The following PDZD2 variants were observed in gnomAD, a reference collection of about 807,000 sequenced individuals.
PDZD2 encodes the protein PDZ domain-containing protein 2.
PDZD2 carries 90 observed loss-of-function variants against 220.7 expected under a neutral mutation model. The observed-to-expected ratio is 0.41, with a 90% CI of 0.34 to 0.49. The LOEUF is 0.49. PDZD2 is among the 20% of genes least tolerant of loss of function. The probability of loss-of-function intolerance (pLI) is 0.28; values close to 1 mark genes in which losing one functional copy is unlikely to be tolerated. For missense variants in PDZD2, 3,174 were observed against 3,608.5 expected, an observed-to-expected ratio of 0.88 and a Z score of 3.08; for synonymous variants, 1,375 against 1,450.5, an observed-to-expected ratio of 0.95 and a Z score of 1.18.
In PDZD2 at chr5:32,090,956, C is replaced by T. The variant is rs376756467; in HGVS notation, c.7508C>T (p.Ala2503Val). 5 of 1,613,974 alleles carry T rather than the reference C, an allele frequency of 3.1e-6. No individual in the cohort carries two copies. The highest frequency in any genetic ancestry group is 4.2e-6 in the Non-Finnish European group (5 of 1,180,012). The change falls in exon 20 of 25, where the codon GCA becomes GTA. Residue 2503 changes from alanine to valine, a missense_variant. By Grantham distance (64) the Ala-to-Val change is moderately conservative. This residue lies in a region of PDZD2 where 631 missense variants were observed against 789.9 expected (regional missense o/e 0.80). Transcript: ENST00000438447. The surrounding 1 kb of genome is among the most constrained non-coding windows in gnomAD (Gnocchi z 4.3). ...LDKLCSEDYS[A>V]GPSAVLFKTE... ...AAGCTCTGCAGCGAGGATTACTCAGCAGGGCCGAGCGCCGTGCTCTTCAAA... is the reference window on the plus strand; with the variant it reads ...AAGCTCTGCAGCGAGGATTACTCAGTAGGGCCGAGCGCCGTGCTCTTCAAA...
intron 14 of PDZD2, among the ~76,000 whole-genome samples, chr5:32,061,893 GT>G (rs1739724649): frequency 6.6e-6 from 1 of 152,178 alleles, no homozygotes. Context: ...TTGTTTCTGT[GT>G]TTCCATAGAA....
chr5:31,707,103 T>C (rs983758634), intron 1 of PDZD2, among the ~76,000 whole-genome samples: 1 of 124,304 alleles, frequency 8.0e-6, no homozygotes, highest in Non-Finnish European at 1.6e-5. Flanking sequence ...AATTGAACAA[T>C]GAGAACACTT....
At chr5:31,903,903 T>C (rs1273997657) in intron 2 of PDZD2, among the ~76,000 whole-genome samples, 1 of 152,040 alleles carries the variant, frequency 6.6e-6, no homozygotes, top group East Asian at 1.9e-4. Flanking sequence ...TTTGTATTTT[T>C]AGTAGAGACG....
At chr5:31,676,818 T>C (rs1746446887) in intron 1 of PDZD2, among the ~76,000 whole-genome samples, 1 of 151,956 alleles carries the variant, frequency 6.6e-6, no homozygotes, top group Admixed American at 6.6e-5. Flanking sequence ...CCTCCCAAAG[T>C]GCTGGGATTA....
chr5:31,894,162 C>T (rs1741324676), intron 2 of PDZD2, among the ~76,000 whole-genome samples: 1 of 147,518 alleles, frequency 6.8e-6, no homozygotes, highest in African/African-American at 2.5e-5. Flanking sequence ...ATCCACTCAT[C>T]TCAGCCTCCC....
At chr5:31,852,388 C>T (rs1347777080) in intron 2 of PDZD2, among the ~76,000 whole-genome samples, 1 of 151,750 alleles carries the variant, frequency 6.6e-6, no homozygotes, top group Admixed American at 6.6e-5. Context: ...TCAAGCTATT[C>T]TCTTTCCTCA....
intron 2 of PDZD2, among the ~76,000 whole-genome samples, chr5:31,972,195 C>T (rs1749361160): frequency 6.6e-6 from 1 of 152,170 alleles, no homozygotes; most frequent in African/African-American, 2.4e-5. Context: ...TTCACTACAG[C>T]CTCTGCCTCC....
chr5:31,923,916 C>T (rs987445122), intron 2 of PDZD2, among the ~76,000 whole-genome samples: 10 of 152,156 alleles, frequency 6.6e-5, no homozygotes, highest in Middle Eastern at 3.4e-3. Flanking sequence ...ACACTAGAGT[C>T]GTGTCTCCTG....
At chr5:31,900,231 C>T (rs77605631) in intron 2 of PDZD2, among the ~76,000 whole-genome samples, 444 of 152,278 alleles carry the variant, frequency 2.9e-3, no homozygotes, top group Non-Finnish European at 4.9e-3. Context: ...GTGTAGGTAG[C>T]GCTGTGTACC....
At chr5:31,719,404 C>T (rs980343057) in intron 1 of PDZD2, among the ~76,000 whole-genome samples, 3 of 152,128 alleles carry the variant, frequency 2.0e-5, no homozygotes, top group African/African-American at 4.8e-5. Context: ...ATAATACTTG[C>T]TTACTTGCAC....
chr5:31,783,220 G>T (rs2150211435), intron 1 of PDZD2, among the ~76,000 whole-genome samples: 1 of 152,208 alleles, frequency 6.6e-6, no homozygotes, highest in South Asian at 2.1e-4. Flanking sequence ...TTTATCTTGT[G>T]GAACTTGGGA....
At chr5:31,854,911 G>A in intron 2 of PDZD2, 1 of 919,188 alleles carries the variant, frequency 1.1e-6, no homozygotes. Context: ...GGCGCGGAGG[G>A]AGGAGGGGGG....
At chr5:31,721,254 G>A (rs1040585934) in intron 1 of PDZD2, among the ~76,000 whole-genome samples, 2 of 152,092 alleles carry the variant, frequency 1.3e-5, no homozygotes, top group East Asian at 3.8e-4. Flanking sequence ...TCCACAGTGA[G>A]TATGCCAGAT....
At chr5:31,931,053 C>A (rs1745237745) in intron 2 of PDZD2, among the ~76,000 whole-genome samples, 1 of 152,124 alleles carries the variant, frequency 6.6e-6, no homozygotes, top group Non-Finnish European at 1.5e-5. Flanking sequence ...GGCAGGGTCT[C>A]ACTCTTTTGC....
chr5:31,663,157 A>G (rs61285440), intron 1 of PDZD2, among the ~76,000 whole-genome samples: 7,898 of 152,294 alleles, frequency 0.052, 344 homozygotes, highest in East Asian at 0.16. Flanking sequence ...TACCCATAAA[A>G]AATATCCTGT....
chr5:31,951,127 C>T (rs146719845), intron 2 of PDZD2, among the ~76,000 whole-genome samples: 112 of 152,188 alleles, frequency 7.4e-4, no homozygotes, highest in African/African-American at 2.2e-3. Context: ...AGAGCAGTGG[C>T]GCCATCACAG....
intron 1 of PDZD2, among the ~76,000 whole-genome samples, chr5:31,729,040 C>G (rs1749349728): frequency 6.9e-6 from 1 of 145,772 alleles, no homozygotes; most frequent in Admixed American, 6.9e-5. Context: ...CTTCTATGGT[C>G]TATTAGTATA....
intron 1 of PDZD2, among the ~76,000 whole-genome samples, chr5:31,679,786 C>CA (rs1225020364): frequency 1.3e-5 from 2 of 152,196 alleles, no homozygotes; most frequent in African/African-American, 4.8e-5. Flanking sequence ...GCTGGGATTA[C>CA]AGGCATGAGC....
chr5:31,819,653 T>C (rs1755699980), intron 2 of PDZD2, among the ~76,000 whole-genome samples: 1 of 31,980 alleles, frequency 3.1e-5, no homozygotes, highest in African/African-American at 1.5e-4. Context: ...CAAGACTCTG[T>C]CTCAAAAAAA....
Sources: gnomAD v4.1 joint callset for allele counts (sites outside exome capture counted in the v4.1 genomes callset) on GRCh38, gnomAD v4.1.1 for gene constraint, gnomAD v4.1.1 regional missense constraint, Gnocchi (gnomAD v3.1) non-coding constraint, MANE v1.5 for transcripts, NCBI Gene and HGNC (gene_info 2026-07-23, HGNC 2026-07-21) for gene names.